Variants in MEI1 observed in about 807,000 individuals in gnomAD.
MEI1 encodes the protein meiotic double-stranded break formation protein 1, also known as meiosis inhibitor protein 1.
In MEI1, 103 loss-of-function variants were observed where a neutral mutation model predicts 146.2. The observed-to-expected ratio is 0.70, with a 90% CI of 0.60 to 0.83. The LOEUF is 0.83. Ranked by LOEUF, MEI1 falls within the 40% of genes least tolerant of loss-of-function variation. MEI1 has a pLI of 0.00. For missense variants in MEI1, 1,529 were observed against 1,533.0 expected, an observed-to-expected ratio of 1.00 and a Z score of 0.04; for synonymous variants, 652 against 628.2, an observed-to-expected ratio of 1.04 and a Z score of -0.57.
intron 2 of MEI1, among the ~76,000 whole-genome samples, chr22:41,705,112 G>C (rs762425165): frequency 6.6e-6 from 1 of 151,968 alleles, no homozygotes; most frequent in Non-Finnish European, 1.5e-5. Flanking sequence ...GCTGCTTTTA[G>C]ACTTAGAATT....
At chr22:41,719,676 C>T (rs896462575) in intron 6 of MEI1, among the ~76,000 whole-genome samples, 1 of 152,212 alleles carries the variant, frequency 6.6e-6, no homozygotes, top group African/African-American at 2.4e-5. Flanking sequence ...TTGGGGAACA[C>T]ATTCAAACCA....
chr22:41,760,589 C>T (rs1314284343), intron 18 of MEI1, among the ~76,000 whole-genome samples: 4 of 152,112 alleles, frequency 2.6e-5, no homozygotes, highest in Non-Finnish European at 4.4e-5. Context: ...CTCTCAGACA[C>T]CGAATTGTAG....
chr22:41,778,775 A>G lies in MEI1; in HGVS notation c.2778A>G (p.Gln926=), dbSNP rs61737655. 4,557 of 1,608,566 alleles carry G rather than the reference A, an allele frequency of 2.8e-3. 141 individuals carry two copies. The African/African-American group carries it at 0.055, about 19-fold the overall frequency. ...SLMQLRNVSE[Q]ELDSVAMKLL... ...TGCAGCTCAGGAATGTGTCAGAGCA[A>G]GAACTGGACAGCGTGGCCATGAAGC... Residue 926 remains glutamine, a synonymous_variant, in exon 22 of 31, where the codon CAA becomes CAG. Coordinates refer to ENST00000401548, the MANE Select transcript of MEI1 (RefSeq NM_152513.4).
chr22:41,742,840 C>T (rs1650128632), intron 11 of MEI1, among the ~76,000 whole-genome samples: 1 of 152,138 alleles, frequency 6.6e-6, no homozygotes, highest in Non-Finnish European at 1.5e-5. Context: ...GACTGGGTTT[C>T]ACCATGTTGC....
intron 26 of MEI1, among the ~76,000 whole-genome samples, chr22:41,785,235 TTTTTA>T (rs1324712120): frequency 9.7e-5 from 14 of 144,754 alleles, no homozygotes; most frequent in African/African-American, 3.4e-4. Context: ...GCGCCTGGCA[TTTTTA>T]TTTTATTTAT....
chr22:41,705,628 C>T, intron 3 of MEI1, 74 bp downstream of exon 3: 1 of 1,330,682 alleles, frequency 7.5e-7, no homozygotes. Flanking sequence ...TTACTTGAGA[C>T]CTTGGCGAAA....
intron 3 of MEI1, among the ~76,000 whole-genome samples, chr22:41,712,531 G>A (rs969388846): frequency 6.6e-6 from 1 of 151,646 alleles, no homozygotes; most frequent in Non-Finnish European, 1.5e-5. Context: ...CACTGCGCCC[G>A]GCTCAAAAGC....
At chr22:41,705,708 CTTTTT>C (rs10568131) in intron 3 of MEI1, among the ~76,000 whole-genome samples, 154 bp downstream of exon 3, 1 of 137,018 alleles carries the variant, frequency 7.3e-6, no homozygotes, top group African/African-American at 2.7e-5. Context: ...TTGTTTTTTA[CTTTTT>C]TTTTTTTTTT....
intron 15 of MEI1, 28 bp from the exon 16 acceptor site, chr22:41,752,563 T>C (rs2073831441): frequency 1.9e-6 from 3 of 1,576,512 alleles, no homozygotes; most frequent in Middle Eastern, 1.7e-4. Flanking sequence ...TTTAAACTGC[T>C]CTCTGCTTTA....
chr22:41,732,591 C>A lies in MEI1; in HGVS notation c.1319C>A (p.Ser440Tyr). The change falls in exon 11 of 31, where the codon TCT becomes TAT. Residue 440 changes from serine (S) to tyrosine (Y), a missense_variant. By Grantham distance (144) the Ser-to-Tyr change is moderately radical. Around this residue, in one of 3 missense-constraint regions of MEI1, gnomAD observed 1,212 missense variants for 1,178.9 expected, o/e 1.03. Transcript: ENST00000401548. ...EVAAEALKAT[S>Y]AFLRKDHQST... ...GCTGCTGAGGCCTTGAAGGCCACTT[C>A]TGCTTTTCTGAGGTGAGAGACCCAG... The A allele has an allele frequency of 6.2e-7, 1 of 1,613,150 alleles. No homozygotes were observed. Among genetic ancestry groups the A allele is most frequent in the Non-Finnish European group, 8.5e-7 (1 of 1,179,708 alleles).
intron 11 of MEI1, among the ~76,000 whole-genome samples, chr22:41,738,770 CA>C (rs750233042): frequency 2.1e-3 from 271 of 129,852 alleles, no homozygotes; most frequent in African/African-American, 6.3e-3. Context: ...GACTCTGTCT[CA>C]AAAAAAAAAA....
At chr22:41,791,983 G>A (rs1225403035) in intron 26 of MEI1, among the ~76,000 whole-genome samples, 1 of 152,212 alleles carries the variant, frequency 6.6e-6, no homozygotes, top group Non-Finnish European at 1.5e-5. Flanking sequence ...GGGCTGAGTG[G>A]AGAGATGGGG....
At position 41,718,057 on chromosome 22, in the gene MEI1, T is replaced by G. The variant is rs371232915; in HGVS notation, c.530-14T>G. 1.0e-5 allele frequency: 16 copies of G among 1,585,262 alleles called. No individual in the cohort carries two copies. The African/African-American group carries it at 1.9e-4, about 19-fold the overall frequency. Reference sequence around the variant, plus strand: ...GTGAAATTTCCCTTGGCTCCTTGGTTGTTTTCTGGACAGGCAACCTGATGG... The same window carrying G: ...GTGAAATTTCCCTTGGCTCCTTGGTGGTTTTCTGGACAGGCAACCTGATGG... On this transcript the variant is annotated splice_polypyrimidine_tract_variant and intron_variant, in intron 5 of 30. Transcript: ENST00000401548.
intron 19 of MEI1, among the ~76,000 whole-genome samples, chr22:41,767,231 A>T (rs2074914968): frequency 6.6e-6 from 1 of 152,116 alleles, no homozygotes; most frequent in Admixed American, 6.5e-5. Context: ...CCTTGGTACC[A>T]TTTACCTGTG....
At chr22:41,745,517 T>C (rs1416328124) in intron 13 of MEI1, among the ~76,000 whole-genome samples, 2 of 152,084 alleles carry the variant, frequency 1.3e-5, no homozygotes. Context: ...AAGAGATGCT[T>C]TTTGGTATAT....
intron 20 of MEI1, 191 bp from the exon 21 acceptor site, chr22:41,775,911 A>G (rs2075415964): frequency 5.5e-6 from 3 of 542,154 alleles, no homozygotes; most frequent in Non-Finnish European, 9.9e-6. Flanking sequence ...GACCTATTCT[A>G]AGGGATGGTT....
At chr22:41,786,758 G>T (rs1569327070) in intron 26 of MEI1, among the ~76,000 whole-genome samples, 1 of 152,218 alleles carries the variant, frequency 6.6e-6, no homozygotes, top group Non-Finnish European at 1.5e-5. Flanking sequence ...CTAAGAGAGG[G>T]ATGGTTCCCC....
chr22:41,789,034 C>T (rs1182013629), intron 26 of MEI1, among the ~76,000 whole-genome samples: 22 of 152,148 alleles, frequency 1.4e-4, no homozygotes, highest in Non-Finnish European at 8.8e-5. Context: ...GGTAGTAAGG[C>T]CAGGCGCAGT....
At position 41,784,747 on chromosome 22, in the gene MEI1, G is replaced by A; in HGVS notation, c.3309G>A (p.Arg1103=). ...CTCCACTGCGAATGTCGCAAGTCCG[G>A]TCCCTGGTCATTGGGCTGCAGAACC... ...VLAPLRMSQV[R]SLVIGLQNLL... Residue 1103 remains arginine, a synonymous_variant, in exon 26 of 31, where the codon CGG becomes CGA. Transcript: ENST00000401548. The A allele has an allele frequency of 6.2e-7, 1 of 1,612,150 alleles. No individual in the cohort carries two copies.
Sources: allele counts gnomAD v4.1 joint callset (sites outside exome capture counted in the v4.1 genomes callset), GRCh38; gene constraint gnomAD v4.1.1; regional missense constraint gnomAD v4.1.1; transcripts MANE v1.5; gene names NCBI Gene and HGNC (gene_info 2026-07-23, HGNC 2026-07-21).